Variants in ZNF473 observed in about 807,000 individuals in gnomAD.
ZNF473 encodes zinc finger protein 473, also known as zinc finger protein 100 homolog.
Under a neutral mutation model 11.1 loss-of-function variants are expected in ZNF473, and 4 were observed. The observed-to-expected ratio is 0.36, with a 90% CI of 0.18 to 0.82. The LOEUF (loss-of-function observed/expected upper bound fraction) is 0.82, where lower values mean the gene tolerates loss of function less well. Ranked by LOEUF, ZNF473 falls within the 40% of genes least tolerant of loss-of-function variation. The pLI is 0.49. For synonymous variants in ZNF473, 404 were observed against 390.4 expected (o/e 1.03, Z -0.41); for missense variants, 854 against 1,084.0 (o/e 0.79, Z 2.98).
chr19:50,026,185 C>G (rs2077272640), intron 1 of ZNF473, 63 bp downstream of exon 1: 1 of 152,748 alleles, frequency 6.5e-6, no homozygotes, highest in Non-Finnish European at 1.5e-5. Flanking sequence ...TGACGGAATG[C>G]AAGTGGGGGC....
At chr19:50,040,442 GC>G (rs1351689816) in intron 3 of ZNF473, 4 of 152,298 alleles carry the variant, frequency 2.6e-5, no homozygotes, top group African/African-American at 9.6e-5. Flanking sequence ...GCAGGTGTAA[GC>G]CACCGTGTTT....
chr19:50,027,621 G>C (rs1275256451), intron 1 of ZNF473, among the ~76,000 whole-genome samples: 1 of 152,156 alleles, frequency 6.6e-6, no homozygotes, highest in Non-Finnish European at 1.5e-5. Context: ...GGGCCAGGCA[G>C]ATGACATACA....
Position 50,039,767 on chromosome 19 carries a change from C to G in ZNF473, c.136+480C>G, listed in dbSNP as rs974807046. On this transcript the variant is annotated intron_variant, in intron 3 of 4. Coordinates refer to ENST00000270617, the MANE Select transcript of ZNF473 (RefSeq NM_015428.4). This position sits in a 1 kb window ranked among gnomAD's most constrained non-coding sequence, Gnocchi z 4.8. The stretch of plus-strand genomic sequence containing the variant: ...CATTTTTAAAGTTTAACCTGGGACC[C>G]TGTTAGAACTCCATACCTCCTCTCC... 2.6e-5 allele frequency among the ~76,000 whole-genome samples: 4 copies of G among 152,222 alleles called. No homozygotes were observed. Among genetic ancestry groups the G allele is most frequent in the Non-Finnish European group, 4.4e-5 (3 of 68,040 alleles).
intron 1 of ZNF473, among the ~76,000 whole-genome samples, chr19:50,027,576 C>T (rs1323360355): frequency 2.0e-5 from 3 of 152,094 alleles, no homozygotes; most frequent in Non-Finnish European, 2.9e-5. Flanking sequence ...GATTTGGTAA[C>T]TGCAGACAGG....
chr19:50,033,444 A>G (rs1370361850), intron 2 of ZNF473, among the ~76,000 whole-genome samples: 1 of 151,948 alleles, frequency 6.6e-6, no homozygotes, highest in Non-Finnish European at 1.5e-5. Flanking sequence ...AAATATGGTG[A>G]ATCCGGAGGC....
chr19:50,027,586 G>A (rs749134883), intron 1 of ZNF473, among the ~76,000 whole-genome samples: 1 of 152,272 alleles, frequency 6.6e-6, no homozygotes, highest in Middle Eastern at 3.4e-3. Context: ...CTGCAGACAG[G>A]GATCTCAAGC....
rs749345445 is a variant in ZNF473 at position 50,046,043 on chromosome 19, G to A, written c.1600G>A (p.Glu534Lys). The A allele has an allele frequency of 1.7e-5, 27 of 1,614,090 alleles. No homozygotes were observed. Among genetic ancestry groups the A allele is most frequent in the African/African-American group, 1.5e-4 (11 of 74,926 alleles). The part of the protein sequence containing the change: ...FICGSTLKCH[E>K]SVHAREKQGF... The stretch of plus-strand genomic sequence containing the variant: ...TTGCGGCTCAACCCTGAAGTGCCAC[G>A]AGAGTGTTCACGCCAGAGAAAAACA... The change falls in exon 5 of 5, where the codon GAG becomes AAG. Residue 534 changes from glutamate to lysine, a missense_variant. Coordinates refer to ENST00000270617, the MANE Select transcript of ZNF473 (RefSeq NM_015428.4). This position sits in a 1 kb window ranked among gnomAD's most constrained non-coding sequence, Gnocchi z 5.9.
chr19:50,038,696 A>G (rs1449085169), intron 2 of ZNF473, among the ~76,000 whole-genome samples: 1 of 152,214 alleles, frequency 6.6e-6, no homozygotes, highest in Non-Finnish European at 1.5e-5. Context: ...ACTAATCTGT[A>G]TACAGATTTT....
At chr19:50,035,366 ACT>A (rs770221819) in intron 2 of ZNF473, among the ~76,000 whole-genome samples, 11 of 147,622 alleles carry the variant, frequency 7.5e-5, no homozygotes, top group Non-Finnish European at 1.3e-4. Flanking sequence ...TAAATGCTTG[ACT>A]CTCCTTTTAT....
chr19:50,028,515 ATT>A (rs60450992), intron 1 of ZNF473, among the ~76,000 whole-genome samples: 1 of 146,516 alleles, frequency 6.8e-6, no homozygotes, highest in African/African-American at 2.5e-5. Context: ...CTCATTTTTA[ATT>A]TTTTTTTTTT....
intron 2 of ZNF473, among the ~76,000 whole-genome samples, chr19:50,037,448 C>G (rs1338505038): frequency 6.6e-6 from 1 of 152,120 alleles, no homozygotes; most frequent in African/African-American, 2.4e-5. Flanking sequence ...CATGGTTTCA[C>G]CTAGAGATGG....
Position 50,045,333 on chromosome 19 carries a change from G to A in ZNF473, c.890G>A (p.Ser297Asn). The A allele has an allele frequency of 6.2e-7, 1 of 1,614,172 alleles. No homozygotes were observed. Among genetic ancestry groups the A allele is most frequent in the Non-Finnish European group, 8.5e-7 (1 of 1,180,038 alleles). The change falls in exon 5 of 5, where the codon AGT becomes AAT. Residue 297 changes from serine to asparagine, a missense_variant. By Grantham distance (46) the Ser-to-Asn change is conservative. Transcript: ENST00000270617. Reference sequence around the variant, plus strand: ...GAAAAACCATGTAAGAGTCAAGATAGTGACCACCCACCCAGTCATGACACA... The same window carrying A: ...GAAAAACCATGTAAGAGTCAAGATAATGACCACCCACCCAGTCATGACACA... ...TGEKPCKSQD[S>N]DHPPSHDTQP... is the part of the protein sequence containing the mutation.
intron 2 of ZNF473, among the ~76,000 whole-genome samples, chr19:50,034,265 C>T (rs1456738228): frequency 6.6e-6 from 1 of 152,222 alleles, no homozygotes; most frequent in Non-Finnish European, 1.5e-5. Context: ...TTCTCACCCC[C>T]TCCATTGCTG....
chr19:50,046,829 G>A lies in ZNF473; in HGVS notation c.2386G>A (p.Ala796Thr). The A allele has an allele frequency of 6.2e-7, 1 of 1,614,208 alleles. No homozygotes were observed. Among genetic ancestry groups the A allele is most frequent in the East Asian group, 2.2e-5 (1 of 44,890 alleles). ...ATGTGGTGAATGTGGGAAAGCCTTT[G>A]CCCAGAAAGCAAATCTAACACAGCA... ...YRCGECGKAFAQKANLTQHQR... is the reference protein window; with the variant it reads ...YRCGECGKAFTQKANLTQHQR... Residue 796 changes from alanine to threonine, a missense_variant, in exon 5 of 5, where the codon GCC becomes ACC. Physicochemically the swap from Ala to Thr is moderately conservative, Grantham distance 58 (BLOSUM62 0). Around this residue, in one of 2 missense-constraint regions of ZNF473, gnomAD observed 186 missense variants for 293.8 expected, o/e 0.63. Coordinates refer to ENST00000270617, the MANE Select transcript of ZNF473 (RefSeq NM_015428.4). This position sits in a 1 kb window ranked among gnomAD's most constrained non-coding sequence, Gnocchi z 5.9.
chr19:50,047,442 A>G lies in ZNF473; in HGVS notation c.*383A>G. On this transcript the variant is annotated 3_prime_UTR_variant, in exon 5 of 5. Transcript: ENST00000270617. ...GAAGCACTTAGAACTGATGGCCAGCACATGAGGGCTCACCAAGTGTAAGCC... is the reference window on the plus strand; with the variant it reads ...GAAGCACTTAGAACTGATGGCCAGCGCATGAGGGCTCACCAAGTGTAAGCC... 1 of 190,504 alleles carries G rather than the reference A, an allele frequency of 5.2e-6. No individual in the cohort carries two copies. The highest frequency in any genetic ancestry group is 1.1e-5 in the Non-Finnish European group (1 of 89,580). The allele number at this position is 190,504 out of a possible 1,614,324, so 11.8% of individuals were successfully genotyped here.
rs1600757284 is a variant in ZNF473, at chr19:50,039,165, T to C, written c.14T>C (p.Phe5Ser). 1 of 1,614,000 alleles carries C rather than the reference T, an allele frequency of 6.2e-7. No homozygotes were observed. The highest frequency in any genetic ancestry group is 8.5e-7 in the Non-Finnish European group (1 of 1,179,906). MAEE[F>S]VTLKDVGMDF... ...CAATAGTGTACTGTGTTTCAGGAAT[T>C]TGTGACCCTCAAGGATGTCGGCATG... The change falls in exon 3 of 5, where the codon TTT becomes TCT. Residue 5 changes from phenylalanine (F) to serine (S), a missense_variant. Phe to Ser is a radical substitution (Grantham distance 155, BLOSUM62 -2). Coordinates refer to ENST00000270617, the MANE Select transcript of ZNF473 (RefSeq NM_015428.4). This position sits in a 1 kb window ranked among gnomAD's most constrained non-coding sequence, Gnocchi z 4.8.
chr19:50,030,457 A>C (rs1203663842), intron 1 of ZNF473, among the ~76,000 whole-genome samples: 1 of 152,172 alleles, frequency 6.6e-6, no homozygotes, highest in Non-Finnish European at 1.5e-5. Flanking sequence ...GCAGTGGCCC[A>C]TGATTGTGCC....
intron 1 of ZNF473, among the ~76,000 whole-genome samples, chr19:50,026,339 C>CG (rs1182246581): frequency 6.0e-5 from 9 of 150,086 alleles, no homozygotes; most frequent in African/African-American, 1.0e-4. Context: ...GAAGCCTTGG[C>CG]GGGGGGGATC....
At chr19:50,032,218 G>T (rs1205613359) in intron 2 of ZNF473, among the ~76,000 whole-genome samples, 1 of 150,690 alleles carries the variant, frequency 6.6e-6, no homozygotes, top group Non-Finnish European at 1.5e-5. Flanking sequence ...GTCTGGGAGT[G>T]TGAGGAAAGG....
Sources: gnomAD v4.1 joint callset for allele counts (sites outside exome capture counted in the v4.1 genomes callset) on GRCh38, gnomAD v4.1.1 for gene constraint, gnomAD v4.1.1 regional missense constraint, Gnocchi (gnomAD v3.1) non-coding constraint, MANE v1.5 for transcripts, NCBI Gene and HGNC (gene_info 2026-07-23, HGNC 2026-07-21) for gene names.